The following PKD1L1 variants were observed in gnomAD, a reference collection of about 807,000 sequenced individuals.
PKD1L1 encodes the protein polycystin 1 like 1, transient receptor potential channel interacting.
In PKD1L1, 236 loss-of-function variants were observed where a neutral mutation model predicts 323.4. That is an observed-to-expected ratio of 0.73 (90% CI 0.66 to 0.81). The LOEUF is 0.81. Ranked by LOEUF, PKD1L1 falls within the 40% of genes least tolerant of loss-of-function variation. The pLI, the probability that PKD1L1 is intolerant of heterozygous loss-of-function variation, is 0.00. For synonymous variants in PKD1L1, 1,344 were observed against 1,335.0 expected (o/e 1.01, Z -0.15); for missense variants, 3,320 against 3,508.0 (o/e 0.95, Z 1.35).
At position 47,904,369 on chromosome 7, in the gene PKD1L1, G is replaced by A. The variant is rs769373790; in HGVS notation, c.1931+9C>T. ...GTAGAGAGCACTCCGCCGCCTTGCA[G>A]TGGCTCACCTACTGTAGACATGGCT... On this transcript the variant is annotated intron_variant, in intron 12 of 56. Transcript: ENST00000289672. 4 of 1,613,966 alleles carry A rather than the reference G, an allele frequency of 2.5e-6. No homozygotes were observed. The highest frequency in any genetic ancestry group is 3.4e-6 in the Non-Finnish European group (4 of 1,179,968).
chr7:47,943,158 AAAAAAATATATAT>A (rs1450204174), intron 2 of PKD1L1, among the ~76,000 whole-genome samples: 13 of 65,324 alleles, frequency 2.0e-4, no homozygotes, highest in South Asian at 9.9e-4. Context: ...AAAAAAAAAA[AAAAAAATATATAT>A]ATATATATAT....
chr7:47,872,107 T>G (rs1202390001), intron 24 of PKD1L1, among the ~76,000 whole-genome samples: 1 of 152,198 alleles, frequency 6.6e-6, no homozygotes, highest in Non-Finnish European at 1.5e-5. Flanking sequence ...CCCAAACTGA[T>G]GTACAGACTT....
In PKD1L1 at chr7:47,902,416, G is replaced by C; in HGVS notation, c.2027C>G (p.Pro676Arg). Residue 676 changes from proline (P) to arginine (R), a missense_variant, in exon 13 of 57, where the codon CCA becomes CGA. Pro to Arg is a moderately radical substitution (Grantham distance 103). Transcript: ENST00000289672. ...QLFIVCEPCQ[P>R]PLVKNMGPGK... Reference sequence around the variant, plus strand: ...AGGCCCCATGTTCTTCACCAGGGGTGGCTGGCAGGGCTCGCACACGATGAA... The same window carrying C: ...AGGCCCCATGTTCTTCACCAGGGGTCGCTGGCAGGGCTCGCACACGATGAA... 1 of 1,614,190 alleles carries C rather than the reference G, an allele frequency of 6.2e-7. No individual in the cohort carries two copies. The highest frequency in any genetic ancestry group is 8.5e-7 in the Non-Finnish European group (1 of 1,180,020).
intron 53 of PKD1L1, among the ~76,000 whole-genome samples, chr7:47,801,268 C>T (rs769551768): frequency 3.9e-4 from 60 of 152,138 alleles, no homozygotes; most frequent in Non-Finnish European, 3.8e-4. Context: ...TTATGTCCCC[C>T]GCACCTGGCC....
chr7:47,790,079 C>A (rs190933041), intron 56 of PKD1L1, among the ~76,000 whole-genome samples: 1 of 151,600 alleles, frequency 6.6e-6, no homozygotes, highest in African/African-American at 2.4e-5. Flanking sequence ...TTAGTAGAGA[C>A]GGAGTTTCAC....
rs779428038 is a variant in PKD1L1, at chr7:47,803,253, G to C, written c.7919C>G (p.Ser2640Cys). The C allele has an allele frequency of 1.9e-6, 3 of 1,614,134 alleles. No homozygotes were observed. The highest frequency in any genetic ancestry group is 2.5e-6 in the Non-Finnish European group (3 of 1,180,034). ...GGGGAGTGAGTGGCGCATCATGGAG[G>C]AGCAGGATGCCATTGTGTTTTGAAT... ...PGIQNTMASC[S>C]SMMRHSLPSI... The change falls in exon 53 of 57, where the codon TCC becomes TGC. Residue 2640 changes from serine (S) to cysteine (C), a missense_variant. Ser to Cys is a moderately radical substitution (Grantham distance 112, BLOSUM62 -1). Transcript: ENST00000289672.
At chr7:47,934,767 G>T (rs890478216) in intron 4 of PKD1L1, among the ~76,000 whole-genome samples, 1 of 152,166 alleles carries the variant, frequency 6.6e-6, no homozygotes. Flanking sequence ...GGGGTGGGGG[G>T]ATTGCGCTCA....
chr7:47,824,161 C>A (rs772497135), intron 45 of PKD1L1, among the ~76,000 whole-genome samples: 2 of 152,146 alleles, frequency 1.3e-5, no homozygotes, highest in African/African-American at 2.4e-5. Context: ...TTTGGTGGAC[C>A]AAATCTAGGT....
Position 47,846,992 on chromosome 7 carries a change from C to A in PKD1L1, c.5040G>T (p.Val1680=). Reference sequence around the variant, plus strand: ...TCCACTGGAAATGTACTGTATAGTTCACTGCCTTAGCTAAATATCTGTTTG... The same window carrying A: ...TCCACTGGAAATGTACTGTATAGTTAACTGCCTTAGCTAAATATCTGTTTG... ...KPPNRYLAKA[V]NYTVHFQWIR... is the part of the protein sequence containing the mutation. Residue 1680 remains valine, a synonymous_variant, in exon 32 of 57, where the codon GTG becomes GTT. Coordinates refer to ENST00000289672, the MANE Select transcript of PKD1L1 (RefSeq NM_138295.5). The A allele has an allele frequency of 6.2e-7, 1 of 1,613,518 alleles. No homozygotes were observed.
At chr7:47,891,603 C>G (rs765123125) in intron 15 of PKD1L1, among the ~76,000 whole-genome samples, 23 of 152,218 alleles carry the variant, frequency 1.5e-4, no homozygotes, top group Non-Finnish European at 2.2e-4. Flanking sequence ...GTTTCCAGAG[C>G]CTGCATAAAG....
intron 7 of PKD1L1, among the ~76,000 whole-genome samples, chr7:47,922,742 G>C (rs868659314): frequency 6.7e-6 from 1 of 149,752 alleles, no homozygotes; most frequent in Non-Finnish European, 1.5e-5. Flanking sequence ...CAGCCGCCCC[G>C]TTGGGGAGGT....
At position 47,839,801 on chromosome 7, in the gene PKD1L1, G is replaced by A; in HGVS notation, c.5553-139C>T. On this transcript the variant is annotated intron_variant, in intron 35 of 56. Coordinates refer to ENST00000289672, the MANE Select transcript of PKD1L1 (RefSeq NM_138295.5). The surrounding 1 kb of genome is among the most constrained non-coding windows in gnomAD (Gnocchi z 4.3). ...ACATGTCAAAGGTGACTGACATGCA[G>A]AGTGACATGTGAAGCCCCCTGGAAC... 1 of 848,560 alleles carries A rather than the reference G, an allele frequency of 1.2e-6. No homozygotes were observed. Among genetic ancestry groups the A allele is most frequent in the Non-Finnish European group, 1.8e-6 (1 of 550,310 alleles). The allele number at this position is 848,560 out of a possible 1,614,324, so 52.6% of individuals were successfully genotyped here. A position where few individuals can be genotyped will look rare whatever the true frequency, so the allele number is the denominator to read the frequency against.
Position 47,821,172 on chromosome 7 carries a change from T to C in PKD1L1, c.6869A>G (p.Asp2290Gly). 1 of 1,605,374 alleles carries C rather than the reference T, an allele frequency of 6.2e-7. No homozygotes were observed. Among genetic ancestry groups the C allele is most frequent in the Non-Finnish European group, 8.5e-7 (1 of 1,172,258 alleles). Residue 2290 changes from aspartate (D) to glycine (G), a missense_variant, in exon 46 of 57, where the codon GAC becomes GGC. Coordinates refer to ENST00000289672, the MANE Select transcript of PKD1L1 (RefSeq NM_138295.5). ...TRAALRDISM[D>G]ILMLLLLLCV... is the part of the protein sequence containing the mutation. ...CAAAAGCAGAAGCAGCATGAGGATG[T>C]CCATGGAAATGTCTCTGTAAGAAGA...
At chr7:47,796,696 AC>A (rs1461801288) in intron 54 of PKD1L1, among the ~76,000 whole-genome samples, 2 of 152,282 alleles carry the variant, frequency 1.3e-5, no homozygotes, top group East Asian at 3.9e-4. Flanking sequence ...TTAAAAAATA[AC>A]CCAAACAGGG....
At chr7:47,896,604 T>C (rs931045319) in intron 14 of PKD1L1, among the ~76,000 whole-genome samples, 5 of 152,100 alleles carry the variant, frequency 3.3e-5, no homozygotes, top group Admixed American at 1.3e-4. Flanking sequence ...TACTAGGTTG[T>C]TCACACAAGT....
At chr7:47,827,611 G>A in intron 44 of PKD1L1, 143 bp from the exon 45 acceptor site, 1 of 639,846 alleles carries the variant, frequency 1.6e-6, no homozygotes, top group Non-Finnish European at 2.6e-6. Context: ...TACTTTGTAT[G>A]GATAACATAG....
chr7:47,841,131 A>G (rs754021735), intron 34 of PKD1L1, among the ~76,000 whole-genome samples: 5 of 152,226 alleles, frequency 3.3e-5, no homozygotes, highest in Non-Finnish European at 5.9e-5. Flanking sequence ...TCGAAAGTGT[A>G]TATTTTCTTT....
At chr7:47,902,631 T>C in intron 12 of PKD1L1, 120 bp from the exon 13 acceptor site, 1 of 1,250,564 alleles carries the variant, frequency 8.0e-7, no homozygotes, top group Non-Finnish European at 1.1e-6. Context: ...AGTCATCCCA[T>C]GAATAAGAAC....
In PKD1L1 at chr7:47,894,151, C is replaced by T. The variant is rs150391277; in HGVS notation, c.2272-92G>A. 5.8e-5 allele frequency: 71 copies of T among 1,227,920 alleles called. No individual in the cohort carries two copies. The East Asian group carries it at 1.7e-3, about 30-fold the overall frequency. 76.1% of individuals were successfully genotyped at this position (1,227,920 alleles called of 1,614,324 possible). A position where few individuals can be genotyped will look rare whatever the true frequency, so the allele number is the denominator to read the frequency against. ...ACTAGTCTGAAAATTAGAAAGGAAG[C>T]CGACGAGTCTCAACGCATCCCTGGC... On this transcript the variant is annotated intron_variant, in intron 14 of 56. Coordinates refer to ENST00000289672, the MANE Select transcript of PKD1L1 (RefSeq NM_138295.5).
Sources: allele counts gnomAD v4.1 joint callset (sites outside exome capture counted in the v4.1 genomes callset), GRCh38; gene constraint gnomAD v4.1.1; non-coding constraint Gnocchi (gnomAD v3.1); transcripts MANE v1.5; gene names NCBI Gene and HGNC (gene_info 2026-07-23, HGNC 2026-07-21).